The following ARHGAP24 variants were observed in gnomAD, a reference collection of about 807,000 sequenced individuals.
ARHGAP24 encodes the protein Rho GTPase activating protein 24.
In ARHGAP24, 50 loss-of-function variants were observed where a neutral mutation model predicts 76.4. The ratio of observed to expected loss-of-function variants is 0.65; its 90% CI spans 0.52 to 0.83. The LOEUF is 0.83. ARHGAP24 is among the 40% of genes least tolerant of loss of function. The pLI, the probability that ARHGAP24 is intolerant of heterozygous loss-of-function variation, is 0.00. For synonymous variants in ARHGAP24, 345 were observed against 323.3 expected (o/e 1.07, Z -0.72); for missense variants, 930 against 914.2 (o/e 1.02, Z -0.22).
intron 3 of ARHGAP24, among the ~76,000 whole-genome samples, chr4:85,772,290 C>T (rs141734011): frequency 6.6e-6 from 1 of 152,274 alleles, no homozygotes; most frequent in Non-Finnish European, 1.5e-5. Flanking sequence ...ATCTAATTGT[C>T]ATTAACAGCA....
At chr4:85,772,747 T>G (rs1727177941) in intron 3 of ARHGAP24, among the ~76,000 whole-genome samples, 1 of 152,252 alleles carries the variant, frequency 6.6e-6, no homozygotes, top group Non-Finnish European at 1.5e-5. Flanking sequence ...TGTTTATGTA[T>G]TGAATCTCAT....
At chr4:85,839,510 GCC>G (rs1217421450) in intron 3 of ARHGAP24, among the ~76,000 whole-genome samples, 1 of 152,132 alleles carries the variant, frequency 6.6e-6, no homozygotes, top group Non-Finnish European at 1.5e-5. Context: ...GAGGGCAGTG[GCC>G]TGATCTCGGC....
Position 85,995,004 on chromosome 4 carries a change from A to G in ARHGAP24, c.1350A>G (p.Gln450=). ...ATGCAGAAGGTCTTGAGAAAACCCA[A>G]ACCACCCCCAATGGGAGCCTACAGG... is the stretch of plus-strand genomic sequence containing the variant. ...SSNAEGLEKT[Q]TTPNGSLQAR... The change falls in exon 9 of 10, where the codon CAA becomes CAG. Residue 450 remains glutamine, a synonymous_variant. Coordinates refer to ENST00000395184, the MANE Select transcript of ARHGAP24 (RefSeq NM_001025616.3). The G allele has an allele frequency of 1.9e-6, 3 of 1,614,044 alleles. No individual in the cohort carries two copies. The highest frequency in any genetic ancestry group is 2.5e-6 in the Non-Finnish European group (3 of 1,180,014).
At chr4:85,723,817 G>A (rs1418905222) in intron 3 of ARHGAP24, 1 of 152,190 alleles carries the variant, frequency 6.6e-6, no homozygotes, top group East Asian at 1.9e-4. Context: ...CTTTACTGGT[G>A]TGCCCTTGAC....
intron 2 of ARHGAP24, among the ~76,000 whole-genome samples, chr4:85,591,494 AT>A (rs1728107186): frequency 6.6e-6 from 1 of 152,204 alleles, no homozygotes; most frequent in African/African-American, 2.4e-5. Flanking sequence ...GGAAACAAGA[AT>A]AGCAAAGTGT....
intron 5 of ARHGAP24, among the ~76,000 whole-genome samples, chr4:85,963,581 T>A (rs1237364172): frequency 6.6e-6 from 1 of 152,088 alleles, no homozygotes; most frequent in East Asian, 1.9e-4. Flanking sequence ...CCTGCTAACC[T>A]TTCTTTTTTG....
chr4:85,757,081 A>G (rs1344975294), intron 3 of ARHGAP24, among the ~76,000 whole-genome samples: 1 of 152,066 alleles, frequency 6.6e-6, no homozygotes, highest in Non-Finnish European at 1.5e-5. Context: ...CTGAGCCTGT[A>G]ATGAGTCAAT....
chr4:85,498,020 T>C (rs185334083), intron 1 of ARHGAP24, among the ~76,000 whole-genome samples: 354 of 152,326 alleles, frequency 2.3e-3, no homozygotes, highest in Non-Finnish European at 4.2e-3. Flanking sequence ...AGTTCCTTTT[T>C]CTCTTAAGTT....
At chr4:85,841,173 T>A (rs1730579159) in intron 3 of ARHGAP24, among the ~76,000 whole-genome samples, 1 of 152,232 alleles carries the variant, frequency 6.6e-6, no homozygotes, top group Non-Finnish European at 1.5e-5. Flanking sequence ...TATTTATATT[T>A]TGTTTACTTA....
At chr4:85,669,885 A>T (rs967145417) in intron 2 of ARHGAP24, among the ~76,000 whole-genome samples, 10 of 151,870 alleles carry the variant, frequency 6.6e-5, no homozygotes, top group Admixed American at 2.0e-4. Flanking sequence ...AAATAAACCC[A>T]GCATATTGGT....
chr4:85,775,603 G>T (rs1190534064), intron 3 of ARHGAP24, among the ~76,000 whole-genome samples: 1 of 151,890 alleles, frequency 6.6e-6, no homozygotes, highest in Non-Finnish European at 1.5e-5. Context: ...ATCTCCCACT[G>T]GGTCCCTCCC....
chr4:85,509,743 T>C (rs1018633423), intron 1 of ARHGAP24, among the ~76,000 whole-genome samples: 1 of 152,130 alleles, frequency 6.6e-6, no homozygotes, highest in African/African-American at 2.4e-5. Context: ...TTTGATTATA[T>C]TGAAGAATGA....
chr4:85,629,255 C>T (rs1367731873), intron 2 of ARHGAP24, among the ~76,000 whole-genome samples: 1 of 152,146 alleles, frequency 6.6e-6, no homozygotes, highest in East Asian at 1.9e-4. Context: ...AATTTCTCCT[C>T]CCCTCATGTA....
At chr4:85,852,661 T>C (rs1189530511) in intron 3 of ARHGAP24, among the ~76,000 whole-genome samples, 1 of 152,224 alleles carries the variant, frequency 6.6e-6, no homozygotes, top group African/African-American at 2.4e-5. Flanking sequence ...TTTGTTGATG[T>C]TGATGCTATT....
intron 2 of ARHGAP24, among the ~76,000 whole-genome samples, chr4:85,590,441 C>A (rs906852294): frequency 6.7e-6 from 1 of 150,226 alleles, no homozygotes; most frequent in Non-Finnish European, 1.5e-5. Flanking sequence ...CTCATTGCAA[C>A]CTTTGCCTCC....
chr4:85,815,750 C>G (rs1267761609), intron 3 of ARHGAP24, among the ~76,000 whole-genome samples: 2 of 152,218 alleles, frequency 1.3e-5, no homozygotes, highest in African/African-American at 4.8e-5. Flanking sequence ...AAGTCGCTTC[C>G]ACATTTTCGG....
intron 2 of ARHGAP24, among the ~76,000 whole-genome samples, chr4:85,707,788 G>C (rs1478272837): frequency 6.6e-6 from 1 of 152,102 alleles, no homozygotes; most frequent in East Asian, 1.9e-4. Context: ...AATGAAAGTT[G>C]ATTACCTCAA....
chr4:85,696,488 A>G lies in ARHGAP24; in HGVS notation c.181-25397A>G, dbSNP rs182879802. On this transcript the variant is annotated intron_variant, in intron 2 of 9. Transcript: ENST00000395184. ...CAGGAAATATACAATCCTATCTAGA[A>G]TTCAATAAGCAGAATGATTTACCTG... 1.3e-3 allele frequency among the ~76,000 whole-genome samples: 195 copies of G among 152,356 alleles called. 1 individual carries two copies. The highest frequency in any genetic ancestry group is 4.5e-3 in the African/African-American group (187 of 41,590).
intron 2 of ARHGAP24, among the ~76,000 whole-genome samples, chr4:85,609,491 G>T (rs1191335354): frequency 6.6e-6 from 1 of 152,108 alleles, no homozygotes; most frequent in African/African-American, 2.4e-5. Context: ...TGATTTTTAA[G>T]ACAATTTTAT....
Sources: gnomAD v4.1 joint callset for allele counts (sites outside exome capture counted in the v4.1 genomes callset) on GRCh38, gnomAD v4.1.1 for gene constraint, MANE v1.5 for transcripts, NCBI Gene and HGNC (gene_info 2026-07-23, HGNC 2026-07-21) for gene names.